SRGAP2B: variants seen among roughly 807,000 people sequenced by gnomAD.
The protein encoded by SRGAP2B is SLIT-ROBO Rho GTPase activating protein 2B.
A neutral mutation model predicts 22.2 loss-of-function variants in SRGAP2B; 9 were observed. That is an observed-to-expected ratio of 0.41 (90% CI 0.24 to 0.71). The LOEUF is 0.71. Among genes scored for constraint, SRGAP2B ranks in the 30% least tolerant of loss-of-function variants. The probability of loss-of-function intolerance (pLI) is 0.35; values close to 1 mark genes in which losing one functional copy is unlikely to be tolerated. For missense variants in SRGAP2B, 114 were observed against 235.8 expected (o/e 0.48, Z 3.38); for synonymous variants, 36 against 87.4 (o/e 0.41, Z 3.28).
intron 4 of SRGAP2B, among the ~76,000 whole-genome samples, chr1:144,921,053 A>C (rs1664215230): frequency 6.7e-6 from 1 of 148,920 alleles, no homozygotes; most frequent in Non-Finnish European, 1.5e-5. Flanking sequence ...CAAAACAGAA[A>C]GTTTAAAAGT....
intron 4 of SRGAP2B, among the ~76,000 whole-genome samples, chr1:144,922,238 G>C (rs1161224493): frequency 1.3e-5 from 1 of 76,032 alleles, no homozygotes; most frequent in Non-Finnish European, 2.6e-5. Context: ...ATTAATATTA[G>C]AATCCAGCCC....
intron 1 of SRGAP2B, among the ~76,000 whole-genome samples, chr1:145,093,746 G>T (rs1430769066): frequency 6.7e-6 from 1 of 148,960 alleles, no homozygotes; most frequent in Non-Finnish European, 1.5e-5. Flanking sequence ...CCCCGCCAGC[G>T]CTGGGCAGCG....
chr1:144,955,105 T>G (rs1421890040), intron 4 of SRGAP2B, among the ~76,000 whole-genome samples: 1 of 150,476 alleles, frequency 6.6e-6, no homozygotes, highest in Non-Finnish European at 1.5e-5. Context: ...AATGGTTCCT[T>G]TCCCAAGGCT....
chr1:144,947,417 A>C (rs1666542635), intron 4 of SRGAP2B, among the ~76,000 whole-genome samples: 2 of 139,072 alleles, frequency 1.4e-5, no homozygotes, highest in Admixed American at 1.4e-4. Flanking sequence ...AATCTCATTT[A>C]TCCTTTTTAA....
At chr1:145,020,382 G>C (rs1278442187) in intron 2 of SRGAP2B, among the ~76,000 whole-genome samples, 1 of 128,462 alleles carries the variant, frequency 7.8e-6, no homozygotes, top group African/African-American at 3.3e-5. Context: ...AGCTATCATG[G>C]TGCCACTGCA....
At chr1:144,993,610 G>T (rs1409568190) in intron 3 of SRGAP2B, among the ~76,000 whole-genome samples, 1 of 149,274 alleles carries the variant, frequency 6.7e-6, no homozygotes, top group Non-Finnish European at 1.5e-5. Context: ...CAGGAGGTAG[G>T]CTGAGGCAGG....
chr1:144,955,545 AC>A lies in SRGAP2B; in HGVS notation c.316del (p.Val106Ter), dbSNP rs1667195408. 1.1e-6 allele frequency: 1 copy of A among 949,508 alleles called. No individual in the cohort carries two copies. The highest frequency in any genetic ancestry group is 1.7e-6 in the Non-Finnish European group (1 of 600,978). 58.8% of individuals were successfully genotyped at this position (949,508 alleles called of 1,614,324 possible). A position where few individuals can be genotyped will look rare whatever the true frequency, so the allele number is the denominator to read the frequency against. On this transcript the variant is annotated frameshift_variant, in exon 4 of 10. Coordinates refer to ENST00000612199, the Ensembl canonical transcript of SRGAP2B. LOFTEE classifies it high-confidence loss of function. ...GGTATGGTCCCTGCTTTCCCGCTTC[AC>A]CTGGTTTAAGAGGAGATTCCAGCAG...
intron 5 of SRGAP2B, among the ~76,000 whole-genome samples, chr1:144,909,539 AT>A (rs1332514043): frequency 6.9e-6 from 1 of 145,640 alleles, no homozygotes; most frequent in Non-Finnish European, 1.5e-5. Flanking sequence ...GTGAGCCGAG[AT>A]CACGCCACTG....
intron 2 of SRGAP2B, among the ~76,000 whole-genome samples, chr1:145,085,028 T>C (rs587641170): frequency 2.0e-5 from 3 of 150,812 alleles, no homozygotes; most frequent in African/African-American, 7.4e-5. Flanking sequence ...CTGCAACCTC[T>C]GCCTCTTGGA....
At chr1:144,911,950 CTTTTTT>C (rs1175957935) in intron 5 of SRGAP2B, among the ~76,000 whole-genome samples, 1 of 112,922 alleles carries the variant, frequency 8.9e-6, no homozygotes, top group Admixed American at 8.8e-5. Flanking sequence ...TTTCCTTTTT[CTTTTTT>C]TTTTTTTTTT....
intron 3 of SRGAP2B, among the ~76,000 whole-genome samples, chr1:144,989,615 T>A (rs1670022408): frequency 7.7e-6 from 1 of 130,610 alleles, no homozygotes. Flanking sequence ...TTCCTAAGTT[T>A]ATGTTAGTTC....
At chr1:144,971,794 A>C (rs1169974037) in intron 3 of SRGAP2B, among the ~76,000 whole-genome samples, 1 of 150,944 alleles carries the variant, frequency 6.6e-6, no homozygotes, top group African/African-American at 2.5e-5. Context: ...GTCTAGACCA[A>C]GCCTGTCATT....
At chr1:144,954,920 A>T (rs1349867552) in intron 4 of SRGAP2B, among the ~76,000 whole-genome samples, 1 of 150,296 alleles carries the variant, frequency 6.7e-6, no homozygotes, top group Non-Finnish European at 1.5e-5. Context: ...AACTAAAAAC[A>T]TAAACGTATA....
At chr1:144,921,855 G>T in intron 4 of SRGAP2B, among the ~76,000 whole-genome samples, 1 of 149,786 alleles carries the variant, frequency 6.7e-6, no homozygotes, top group Non-Finnish European at 1.5e-5. Flanking sequence ...ATAATGACAA[G>T]AACTAAACAA....
At chr1:145,001,945 C>T (rs1304834811) in intron 2 of SRGAP2B, among the ~76,000 whole-genome samples, 16 of 146,760 alleles carry the variant, frequency 1.1e-4, no homozygotes, top group African/African-American at 3.9e-4. Flanking sequence ...TTGCTTGAGC[C>T]CAGGAGGTCA....
intron 3 of SRGAP2B, among the ~76,000 whole-genome samples, chr1:144,973,792 G>A (rs587745379): frequency 6.2e-5 from 8 of 130,012 alleles, no homozygotes; most frequent in African/African-American, 1.9e-4. Flanking sequence ...GAAAGCAATG[G>A]TGTGGGTCCA....
chr1:144,985,407 C>A (rs1553615774), intron 3 of SRGAP2B, among the ~76,000 whole-genome samples: 5 of 142,134 alleles, frequency 3.5e-5, no homozygotes, highest in Admixed American at 2.1e-4. Context: ...AAAAACTCAA[C>A]AGAAAAAAAA....
At chr1:145,082,504 T>A (rs1456233019) in intron 2 of SRGAP2B, among the ~76,000 whole-genome samples, 2 of 149,480 alleles carry the variant, frequency 1.3e-5, no homozygotes, top group Non-Finnish European at 3.0e-5. Context: ...AAATGTACAA[T>A]GTGTTTTTGC....
intron 4 of SRGAP2B, among the ~76,000 whole-genome samples, chr1:144,926,942 A>AT (rs1336227504): frequency 2.9e-5 from 4 of 139,358 alleles, no homozygotes; most frequent in Non-Finnish European, 4.8e-5. Flanking sequence ...TTAGATCTAT[A>AT]TTTTTTTTCT....
Sources: gnomAD v4.1 joint callset for allele counts (sites outside exome capture counted in the v4.1 genomes callset) on GRCh38, gnomAD v4.1.1 for gene constraint, MANE v1.5 for transcripts, NCBI Gene and HGNC (gene_info 2026-07-23, HGNC 2026-07-21) for gene names.